The following ADHFE1 variants were observed in gnomAD, a reference collection of about 807,000 sequenced individuals.
ADHFE1 encodes alcohol dehydrogenase iron containing 1.
ADHFE1 carries 37 observed loss-of-function variants against 54.8 expected under a neutral mutation model. The ratio of observed to expected loss-of-function variants is 0.68; its 90% confidence interval spans 0.52 to 0.89. The LOEUF is 0.89. Ranked by LOEUF, ADHFE1 falls within the 40% of genes least tolerant of loss-of-function variation. ADHFE1 has a pLI of 0.00. For missense variants in ADHFE1, 601 were observed against 591.2 expected, an observed-to-expected ratio of 1.02 and a Z score of -0.17; for synonymous variants, 203 against 229.3, an observed-to-expected ratio of 0.89 and a Z score of 1.04.
chr8:66,432,957 A>T (rs1805279437), intron 1 of ADHFE1: 2 of 989,500 alleles, frequency 2.0e-6, no homozygotes, highest in Admixed American at 1.2e-4. Flanking sequence ...GGTTCTGGGG[A>T]TACAAAGATG....
At chr8:66,440,635 T>C (rs1264951269) in intron 2 of ADHFE1, among the ~76,000 whole-genome samples, 1 of 152,212 alleles carries the variant, frequency 6.6e-6, no homozygotes, top group South Asian at 2.1e-4. Context: ...TTTAAAATAA[T>C]ATTGTATTTA....
At chr8:66,454,306 T>C (rs2130439924) in intron 10 of ADHFE1, 149 bp downstream of exon 10, 1 of 687,222 alleles carries the variant, frequency 1.5e-6, no homozygotes, top group Non-Finnish European at 2.2e-6. Flanking sequence ...CTTCTTTTTC[T>C]TTTTTTCCTT....
rs1000551601 is a variant in ADHFE1, at chr8:66,438,147, A to G, written c.60-2015A>G. On this transcript the variant is annotated intron_variant, in intron 1 of 13. Coordinates refer to ENST00000396623, the MANE Select transcript of ADHFE1 (RefSeq NM_144650.3). ...ACAAGGGAGTGACATCATTGGAAAT[A>G]TGCCCCGACTACAGTGTGGGGAATA... is the stretch of plus-strand genomic sequence containing the variant. Among the ~76,000 whole-genome samples the G allele has an allele frequency of 5.3e-5, 8 of 152,306 alleles. No homozygotes were observed. In the South Asian group the frequency reaches 1.2e-3, roughly 24 times the overall value.
rs10101233 is a variant in ADHFE1, at chr8:66,432,737, G to A, written c.59+162G>A. ...CCCACCGCGCGCCAGGCGGAACAGC[G>A]AGGTCACAGAGTGCGCGATGCAGCC... On this transcript the variant is annotated intron_variant, in intron 1 of 13. Coordinates refer to ENST00000396623, the MANE Select transcript of ADHFE1 (RefSeq NM_144650.3). 1.7e-3 allele frequency: 2,143 copies of A among 1,232,020 alleles called. 30 individuals carry two copies. In the African/African-American group the frequency reaches 0.031, roughly 18 times the overall value. 76.3% of individuals were successfully genotyped at this position (1,232,020 alleles called of 1,614,324 possible). A position where few individuals can be genotyped will look rare whatever the true frequency, so the allele number is the denominator to read the frequency against.
At chr8:66,465,855 C>G (rs567179463) in intron 13 of ADHFE1, among the ~76,000 whole-genome samples, 13 of 152,180 alleles carry the variant, frequency 8.5e-5, no homozygotes, top group East Asian at 7.7e-4. Context: ...GCCTCGGCCT[C>G]CCAAAGTGCT....
intron 1 of ADHFE1, among the ~76,000 whole-genome samples, chr8:66,433,223 G>A (rs1205494574): frequency 1.3e-5 from 2 of 152,202 alleles, no homozygotes; most frequent in African/African-American, 2.4e-5. Flanking sequence ...TGGGAAACAT[G>A]GAAAAGTTTG....
chr8:66,444,624 T>C lies in ADHFE1; in HGVS notation c.229T>C (p.Cys77Arg), dbSNP rs1407133761. 3.1e-6 allele frequency: 5 copies of C among 1,614,218 alleles called. No individual in the cohort carries two copies. Among genetic ancestry groups the C allele is most frequent in the Non-Finnish European group, 4.2e-6 (5 of 1,180,038 alleles). The change falls in exon 5 of 14, where the codon TGC (cysteine) becomes CGC (arginine). Residue 77 changes from cysteine (C) to arginine (R), a missense_variant. Coordinates refer to ENST00000396623, the MANE Select transcript of ADHFE1 (RefSeq NM_144650.3). The stretch of plus-strand genomic sequence containing the variant: ...AAAAAACATGGGTGCTAAAAATGTG[T>C]GCTTGATGACAGACAAGAACCTCTC... The part of the protein sequence containing the change: ...DLKNMGAKNV[C>R]LMTDKNLSKL...
intron 2 of ADHFE1, 60 bp from the exon 3 acceptor site, chr8:66,442,738 C>G (rs970267468): frequency 1.4e-6 from 2 of 1,428,784 alleles, no homozygotes; most frequent in African/African-American, 2.9e-5. Context: ...ATTTTACTAT[C>G]AAATAACATT....
At chr8:66,444,290 AAC>A in intron 3 of ADHFE1, 75 bp from the exon 4 acceptor site, 1 of 1,387,288 alleles carries the variant, frequency 7.2e-7, no homozygotes, top group Non-Finnish European at 1.0e-6. Flanking sequence ...GGCAACAAGA[AAC>A]CATTTCAGGT....
At chr8:66,453,105 C>T (rs893759094) in intron 9 of ADHFE1, among the ~76,000 whole-genome samples, 1 of 152,202 alleles carries the variant, frequency 6.6e-6, no homozygotes, top group Non-Finnish European at 1.5e-5. Context: ...CAAACAGACA[C>T]GCATCATGGG....
In ADHFE1 at chr8:66,454,076, A is replaced by T; in HGVS notation, c.905A>T (p.Asp302Val). The T allele has an allele frequency of 1.2e-6, 2 of 1,614,068 alleles. No homozygotes were observed. The highest frequency in any genetic ancestry group is 2.2e-5 in the South Asian group (2 of 91,046). Residue 302 changes from aspartate to valine, a missense_variant, in exon 10 of 14, where the codon GAT (aspartate) becomes GTT (valine). By Grantham distance (152) the Asp-to-Val change is radical. Coordinates refer to ENST00000396623, the MANE Select transcript of ADHFE1 (RefSeq NM_144650.3). ...KYLKRAVRNP[D>V]DLEARSHMHL... Reference sequence around the variant, plus strand: ...ATTCACAGGGCTGTCAGAAATCCCGATGATCTTGAAGCAAGGTCTCATATG... The same window carrying T: ...ATTCACAGGGCTGTCAGAAATCCCGTTGATCTTGAAGCAAGGTCTCATATG...
intron 8 of ADHFE1, among the ~76,000 whole-genome samples, chr8:66,449,586 G>C (rs185937030): frequency 6.6e-6 from 1 of 152,112 alleles, no homozygotes; most frequent in Non-Finnish European, 1.5e-5. Flanking sequence ...ATGTTCCCTC[G>C]GCTTCAGCTG....
intron 6 of ADHFE1, 74 bp downstream of exon 6, chr8:66,445,488 C>T: frequency 4.4e-6 from 6 of 1,376,568 alleles, no homozygotes; most frequent in African/African-American, 1.5e-5. Flanking sequence ...GCAAGCCAGT[C>T]CTTTTAACAT....
intron 1 of ADHFE1, among the ~76,000 whole-genome samples, chr8:66,433,602 A>T (rs1805314109): frequency 6.6e-6 from 1 of 152,220 alleles, no homozygotes; most frequent in Non-Finnish European, 1.5e-5. Context: ...TCATAATTTG[A>T]ACCCAGATAC....
At chr8:66,441,451 T>C (rs921538028) in intron 2 of ADHFE1, among the ~76,000 whole-genome samples, 1 of 152,190 alleles carries the variant, frequency 6.6e-6, no homozygotes, top group Non-Finnish European at 1.5e-5. Flanking sequence ...TGGTTAAGGA[T>C]GCCTTTGCAC....
rs745560323 is a variant in ADHFE1 at position 66,457,160 on chromosome 8, A to G, written c.1156A>G (p.Ile386Val). Residue 386 changes from isoleucine (I) to valine (V), a missense_variant, in exon 12 of 14, where the codon ATA becomes GTA. Physicochemically the swap from Ile to Val is conservative, Grantham distance 29 (BLOSUM62 3). Coordinates refer to ENST00000396623, the MANE Select transcript of ADHFE1 (RefSeq NM_144650.3). Reference sequence around the variant, plus strand: ...AGAGCGACACCTGGAGATGGCAGAAATACTGGGTATGAACCATTACTCAAA... The same window carrying G: ...AGAGCGACACCTGGAGATGGCAGAAGTACTGGGTATGAACCATTACTCAAA... ...FPERHLEMAE[I>V]LGADTRTARI... 2.5e-6 allele frequency: 4 copies of G among 1,613,108 alleles called. No homozygotes were observed. The highest frequency in any genetic ancestry group is 3.4e-6 in the Non-Finnish European group (4 of 1,179,364).
intron 9 of ADHFE1, chr8:66,453,753 A>C: frequency 7.2e-7 from 1 of 1,389,714 alleles, no homozygotes; most frequent in Non-Finnish European, 9.6e-7. Context: ...AATGAGTCTC[A>C]GGGCACCTTC....
intron 9 of ADHFE1, chr8:66,453,813 C>T (rs1806434401): frequency 4.8e-6 from 7 of 1,462,338 alleles, no homozygotes; most frequent in South Asian, 2.3e-5. Context: ...TCCCCCGGCG[C>T]TTTTACATCA....
rs530475124 is a variant in ADHFE1 at position 66,443,605 on chromosome 8, G to A, written c.144+761G>A. 3.7e-4 allele frequency among the ~76,000 whole-genome samples: 56 copies of A among 152,118 alleles called. No individual in the cohort carries two copies. The South Asian group carries it at 8.7e-3, about 24-fold the overall frequency. On this transcript the variant is annotated intron_variant, in intron 3 of 13. Coordinates refer to ENST00000396623, the MANE Select transcript of ADHFE1 (RefSeq NM_144650.3). Reference sequence around the variant, plus strand: ...AGGAATGACTAATTAAAATGTCACCGGGGGCCTGACAGTTAACCAAGAGAT... The same window carrying A: ...AGGAATGACTAATTAAAATGTCACCAGGGGCCTGACAGTTAACCAAGAGAT...
Sources: gnomAD v4.1 joint callset for allele counts (sites outside exome capture counted in the v4.1 genomes callset) on GRCh38, gnomAD v4.1.1 for gene constraint, MANE v1.5 for transcripts, NCBI Gene and HGNC (gene_info 2026-07-23, HGNC 2026-07-21) for gene names.